MSL2: variants seen among roughly 807,000 people sequenced by gnomAD.
The protein encoded by MSL2 is E3 ubiquitin-protein ligase MSL2.
MSL2 carries 2 observed loss-of-function variants against 35.8 expected under a neutral mutation model. The observed-to-expected ratio is 0.06, with a 90% CI of 0.02 to 0.18. The LOEUF (loss-of-function observed/expected upper bound fraction) is 0.18, where lower values mean the gene tolerates loss of function less well. Among genes scored for constraint, MSL2 ranks in the 10% least tolerant of loss-of-function variants. The probability of loss-of-function intolerance (pLI) is 1.00; values close to 1 mark genes in which losing one functional copy is unlikely to be tolerated. For synonymous variants in MSL2, 296 were observed against 255.7 expected (o/e 1.16, Z -1.50); for missense variants, 523 against 706.7 (o/e 0.74, Z 2.95).
chr3:136,164,019 A>G (rs1559961511), intron 1 of MSL2, among the ~76,000 whole-genome samples: 1 of 152,222 alleles, frequency 6.6e-6, no homozygotes, highest in South Asian at 2.1e-4. Context: ...ACAGACTAAT[A>G]CAATGCATAA....
rs71157363 is a variant in MSL2, at chr3:136,170,508, CTTTTTTTTTT to C, written c.143-17780_143-17771del. Among the ~76,000 whole-genome samples the C allele has an allele frequency of 9.3e-3, 758 of 81,698 alleles. 9 individuals carry two copies. Among genetic ancestry groups the C allele is most frequent in the African/African-American group, 0.036 (717 of 20,074 alleles). 53.6% of individuals were successfully genotyped at this position (81,698 alleles called of 152,430 possible). A position where few individuals can be genotyped will look rare whatever the true frequency, so the allele number is the denominator to read the frequency against. On this transcript the variant is annotated intron_variant, in intron 1 of 1. Coordinates refer to ENST00000309993, the MANE Select transcript of MSL2 (RefSeq NM_018133.4). ...GACCAAAAGGAAAAAAAACTCTGTC[CTTTTTTTTTT>C]TTTTTTTTTTTTTTGAGATGGGAGT...
chr3:136,191,711 T>A (rs1317386880), intron 1 of MSL2, among the ~76,000 whole-genome samples: 3 of 152,158 alleles, frequency 2.0e-5, no homozygotes, highest in Non-Finnish European at 2.9e-5. Flanking sequence ...AGTTTAAGGC[T>A]GCAGTGAGCT....
chr3:136,181,922 AAATAAAT>A (rs1254935202), intron 1 of MSL2, among the ~76,000 whole-genome samples: 2 of 13,158 alleles, frequency 1.5e-4, no homozygotes, highest in Non-Finnish European at 3.6e-4. Flanking sequence ...CTGTCTCAAA[AAATAAAT>A]AAATAAATAA....
intron 1 of MSL2, among the ~76,000 whole-genome samples, chr3:136,193,353 C>A (rs1389294834): frequency 6.6e-6 from 1 of 152,080 alleles, no homozygotes; most frequent in Non-Finnish European, 1.5e-5. Flanking sequence ...AAGTTTCACC[C>A]ATCTAGTAAA....
At chr3:136,169,933 G>A (rs893878062) in intron 1 of MSL2, among the ~76,000 whole-genome samples, 11 of 151,840 alleles carry the variant, frequency 7.2e-5, no homozygotes, top group African/African-American at 2.4e-4. Flanking sequence ...GCAGATGCCT[G>A]TAATCCCAGT....
chr3:136,157,282 C>G (rs1311779211), intron 1 of MSL2, among the ~76,000 whole-genome samples: 3 of 117,132 alleles, frequency 2.6e-5, no homozygotes, highest in Non-Finnish European at 5.1e-5. Flanking sequence ...GAAGGCGGGC[C>G]AATCACCTGA....
intron 1 of MSL2, among the ~76,000 whole-genome samples, chr3:136,183,415 A>G (rs1040440107): frequency 9.3e-4 from 141 of 151,972 alleles, no homozygotes; most frequent in East Asian, 5.8e-4. Context: ...TTTTAAAATG[A>G]AAGTTTTGTT....
At chr3:136,185,295 C>T (rs980658029) in intron 1 of MSL2, among the ~76,000 whole-genome samples, 1 of 108,954 alleles carries the variant, frequency 9.2e-6, no homozygotes, top group African/African-American at 3.6e-5. Flanking sequence ...AAATTTTTAA[C>T]AAAGCTAAAA....
intron 1 of MSL2, among the ~76,000 whole-genome samples, chr3:136,171,382 T>A (rs928901631): frequency 6.6e-6 from 1 of 152,132 alleles, no homozygotes; most frequent in Admixed American, 6.5e-5. Flanking sequence ...CTCCTTAGGG[T>A]TGTCCTATGC....
In MSL2 at chr3:136,195,598, G is replaced by A. The variant is rs939579027; in HGVS notation, c.-485C>T. ...GCCTCTTACTCCATCCCAGTACAGGGCGCGGAGGCGGCGGCGACGGCAAGG... is the reference window on the plus strand; with the variant it reads ...GCCTCTTACTCCATCCCAGTACAGGACGCGGAGGCGGCGGCGACGGCAAGG... On this transcript the variant is annotated 5_prime_UTR_variant, in exon 1 of 2. Transcript: ENST00000309993. 170 of 986,706 alleles carry A rather than the reference G, an allele frequency of 1.7e-4. No homozygotes were observed. The highest frequency in any genetic ancestry group is 3.4e-4 in the East Asian group (3 of 8,860). The allele number at this position is 986,706 out of a possible 1,614,324, so 61.1% of individuals were successfully genotyped here.
chr3:136,158,701 G>A (rs182824774), intron 1 of MSL2, among the ~76,000 whole-genome samples: 27 of 152,296 alleles, frequency 1.8e-4, no homozygotes, highest in African/African-American at 6.0e-4. Context: ...ACACAATTCT[G>A]CTTACAGAAA....
At position 136,153,387 on chromosome 3, in the gene MSL2, C is replaced by T. The variant is rs7613398; in HGVS notation, c.143-649G>A. On this transcript the variant is annotated intron_variant, in intron 1 of 1. Coordinates refer to ENST00000309993, the MANE Select transcript of MSL2 (RefSeq NM_018133.4). ...AGTCCCTGCCCTCATAAAAGATAGT[C>T]TTGAGGGCATTCATCAGTAGAAAAG... Among the ~76,000 whole-genome samples the T allele has an allele frequency of 2.5e-3, 376 of 152,220 alleles. 3 individuals carry two copies. The highest frequency in any genetic ancestry group is 8.7e-3 in the African/African-American group (360 of 41,524).
intron 1 of MSL2, among the ~76,000 whole-genome samples, chr3:136,157,851 A>C (rs1196356559): frequency 1.3e-5 from 2 of 152,252 alleles, no homozygotes; most frequent in Non-Finnish European, 2.9e-5. Flanking sequence ...ATAGCCACTG[A>C]AGATTTTCCT....
intron 1 of MSL2, among the ~76,000 whole-genome samples, chr3:136,179,459 G>A (rs1389248768): frequency 1.3e-5 from 2 of 152,194 alleles, no homozygotes; most frequent in Non-Finnish European, 2.9e-5. Context: ...TGGGATTACA[G>A]CATGAGCCAT....
intron 1 of MSL2, chr3:136,156,013 A>G (rs1273805907): frequency 5.9e-6 from 2 of 338,330 alleles, no homozygotes; most frequent in African/African-American, 4.3e-5. Context: ...ACATTTCCTT[A>G]TAGTACCAAC....
At chr3:136,181,918 CAAAAAATA>C (rs762054993) in intron 1 of MSL2, among the ~76,000 whole-genome samples, 2 of 106,942 alleles carry the variant, frequency 1.9e-5, no homozygotes, top group Non-Finnish European at 3.9e-5. Context: ...GACTCTGTCT[CAAAAAATA>C]AATAAATAAA....
intron 1 of MSL2, among the ~76,000 whole-genome samples, chr3:136,191,794 G>C (rs1157653775): frequency 6.6e-6 from 1 of 152,136 alleles, no homozygotes; most frequent in African/African-American, 2.4e-5. Flanking sequence ...TTTTCAAACC[G>C]CTTAAAAATA....
chr3:136,150,993 T>G lies in MSL2; in HGVS notation c.*154A>C. The G allele has an allele frequency of 1.2e-6, 1 of 801,284 alleles. No homozygotes were observed. Among genetic ancestry groups the G allele is most frequent in the Non-Finnish European group, 2.0e-6 (1 of 503,896 alleles). The allele number at this position is 801,284 out of a possible 1,614,324, so 49.6% of individuals were successfully genotyped here. A position where few individuals can be genotyped will look rare whatever the true frequency, so the allele number is the denominator to read the frequency against. Reference sequence around the variant, plus strand: ...TACTCCTCCATTATCTGCAAACTATTTCCCCGACACTAACACATATAACTT... The same window carrying G: ...TACTCCTCCATTATCTGCAAACTATGTCCCCGACACTAACACATATAACTT... On this transcript the variant is annotated 3_prime_UTR_variant, in exon 2 of 2. Coordinates refer to ENST00000309993, the MANE Select transcript of MSL2 (RefSeq NM_018133.4).
At chr3:136,172,661 T>G (rs900019535) in intron 1 of MSL2, among the ~76,000 whole-genome samples, 9 of 152,142 alleles carry the variant, frequency 5.9e-5, no homozygotes, top group Non-Finnish European at 1.3e-4. Context: ...CCATGTTTCC[T>G]TAATAGGATC....
Sources: gnomAD v4.1 joint callset for allele counts (sites outside exome capture counted in the v4.1 genomes callset) on GRCh38, gnomAD v4.1.1 for gene constraint, MANE v1.5 for transcripts, NCBI Gene and HGNC (gene_info 2026-07-23, HGNC 2026-07-21) for gene names.